Variants in GLIS3 observed in about 807,000 individuals in gnomAD.
The protein encoded by GLIS3 is zinc finger protein GLIS3.
Under a neutral mutation model 78.6 loss-of-function variants are expected in GLIS3, and 53 were observed. That is an observed-to-expected ratio of 0.67 (90% CI 0.54 to 0.85). The LOEUF (loss-of-function observed/expected upper bound fraction) is 0.85, where lower values mean the gene tolerates loss of function less well. Among genes scored for constraint, GLIS3 ranks in the 40% least tolerant of loss-of-function variants. GLIS3 has a pLI of 0.00. For missense variants in GLIS3, 1,703 were observed against 1,231.1 expected (o/e 1.38, Z -5.74); for synonymous variants, 684 against 509.9 (o/e 1.34, Z -4.60).
chr9:4,157,478 G>C (rs1418201504), intron 2 of GLIS3, among the ~76,000 whole-genome samples: 1 of 152,162 alleles, frequency 6.6e-6, no homozygotes, highest in Non-Finnish European at 1.5e-5. Flanking sequence ...TTGGGGTGGG[G>C]AGCAGAGAGG....
chr9:4,086,756 C>G (rs972057679), intron 4 of GLIS3, among the ~76,000 whole-genome samples: 42 of 152,326 alleles, frequency 2.8e-4, no homozygotes, highest in African/African-American at 9.1e-4. Context: ...ACAGGAGGGA[C>G]TTTCAGCATC....
chr9:4,178,474 G>A (rs1259530820), intron 2 of GLIS3, among the ~76,000 whole-genome samples: 1 of 152,178 alleles, frequency 6.6e-6, no homozygotes, highest in Non-Finnish European at 1.5e-5. Context: ...AGAAAAATCT[G>A]CAGCTAGGAG....
chr9:4,419,445 G>C, the GLIS3 span, among the ~76,000 whole-genome samples: 1 of 152,138 alleles, frequency 6.6e-6, no homozygotes, highest in African/African-American at 2.4e-5. Flanking sequence ...AAGGCGGAAG[G>C]CAAAGTGGGA....
At chr9:4,021,929 G>A (rs1412494660) in intron 4 of GLIS3, among the ~76,000 whole-genome samples, 5 of 152,188 alleles carry the variant, frequency 3.3e-5, no homozygotes, top group African/African-American at 4.8e-5. Context: ...CCAAAGAGTA[G>A]AAACCAGACA....
At chr9:4,201,902 G>A (rs1024447341) in intron 2 of GLIS3, among the ~76,000 whole-genome samples, 3 of 152,114 alleles carry the variant, frequency 2.0e-5, no homozygotes, top group African/African-American at 7.2e-5. Flanking sequence ...TTGAGAGGCC[G>A]AGGCAGGAAG....
intron 2 of GLIS3, among the ~76,000 whole-genome samples, chr9:4,330,542 G>T (rs1007161805): frequency 5.3e-5 from 8 of 152,174 alleles, no homozygotes; most frequent in African/African-American, 1.9e-4. Context: ...GATGAAGGGA[G>T]GTGGAGATGA....
At chr9:3,935,116 G>T (rs1825818950) in intron 5 of GLIS3, among the ~76,000 whole-genome samples, 1 of 152,104 alleles carries the variant, frequency 6.6e-6, no homozygotes, top group African/African-American at 2.4e-5. Context: ...AATTCTGACA[G>T]TATTATAGTA....
At chr9:4,179,909 C>A (rs80347914) in intron 2 of GLIS3, among the ~76,000 whole-genome samples, 45 of 144,584 alleles carry the variant, frequency 3.1e-4, no homozygotes, top group South Asian at 4.5e-4. Flanking sequence ...GACTCTGTCT[C>A]AAAAAAAAAA....
At chr9:4,354,574 C>A in the GLIS3 span, among the ~76,000 whole-genome samples, 19 of 152,164 alleles carry the variant, frequency 1.2e-4, no homozygotes, top group Non-Finnish European at 2.1e-4. Context: ...CCTCAGTGCA[C>A]GGGATTGTCC....
intron 2 of GLIS3, among the ~76,000 whole-genome samples, chr9:4,343,651 A>C (rs138094445): frequency 1.6e-4 from 24 of 152,370 alleles, no homozygotes; most frequent in African/African-American, 5.3e-4. Context: ...TAATAAAGAC[A>C]TGGAATCAAC....
At chr9:4,393,955 C>T in the GLIS3 span, among the ~76,000 whole-genome samples, 7 of 151,944 alleles carry the variant, frequency 4.6e-5, no homozygotes, top group Admixed American at 4.6e-4. Flanking sequence ...GAATTTATTA[C>T]CCTAATTACA....
chr9:4,089,729 G>A (rs1588645262), intron 4 of GLIS3, among the ~76,000 whole-genome samples: 3 of 152,052 alleles, frequency 2.0e-5, no homozygotes, highest in East Asian at 3.9e-4. Flanking sequence ...TGAGGTGGGA[G>A]GATCGCTTGA....
chr9:3,890,373 G>C (rs2130540884), intron 7 of GLIS3, among the ~76,000 whole-genome samples: 2 of 152,256 alleles, frequency 1.3e-5, no homozygotes, highest in Middle Eastern at 3.4e-3. Context: ...AACGCTTTAT[G>C]TCAGCACATC....
Position 3,991,683 on chromosome 9 carries a change from A to AATTTTTTTTTTTTTTTTT in GLIS3, c.1711-54495_1711-54494insAAAAAAAAAAAAAAAAAT, listed in dbSNP as rs1265317427. On this transcript the variant is annotated intron_variant, in intron 4 of 10. Transcript: ENST00000381971. ...GTTCAGAATTTCATTAAGTAGGCTGATTTTTTTTTTTTTTTTTTTTTTTTT... is the reference window on the plus strand; with the variant it reads ...GTTCAGAATTTCATTAAGTAGGCTGAATTTTTTTTTTTTTTTTTTTTTTTTTTTTTTTTTTTTTTTTTT... Among the ~76,000 whole-genome samples, 99 of 87,914 alleles carry AATTTTTTTTTTTTTTTTT rather than the reference A, an allele frequency of 1.1e-3. 16 individuals are homozygous for AATTTTTTTTTTTTTTTTT. The highest frequency in any genetic ancestry group is 4.5e-3 in the African/African-American group (85 of 18,988). 57.7% of individuals were successfully genotyped at this position (87,914 alleles called of 152,430 possible). A position where few individuals can be genotyped will look rare whatever the true frequency, so the allele number is the denominator to read the frequency against.
At chr9:4,241,932 C>T (rs905572031) in intron 2 of GLIS3, among the ~76,000 whole-genome samples, 2 of 152,192 alleles carry the variant, frequency 1.3e-5, no homozygotes, top group African/African-American at 4.8e-5. Context: ...GATCTGCTTG[C>T]CTTGGCCTCC....
At position 4,118,393 on chromosome 9, in the gene GLIS3, G is replaced by T. The variant is rs146131512; in HGVS notation, c.1085C>A (p.Pro362Gln). ...LGVRGSCIPQ[P>Q]RPVPGSQKGV... ...CTTCTGGCTGCCGGGCACCGGGCGC[G>T]GCTGGGGAATGCAGCTGCCGCGCAC... is the stretch of plus-strand genomic sequence containing the variant. Residue 362 changes from proline to glutamine, a missense_variant, in exon 4 of 11, where the codon CCG becomes CAG. Pro to Gln is a moderately conservative substitution (Grantham distance 76). Transcript: ENST00000381971. The surrounding 1 kb of genome is among the most constrained non-coding windows in gnomAD (Gnocchi z 4.7). The T allele has an allele frequency of 6.5e-4, 1,035 of 1,603,744 alleles. 12 individuals carry two copies. The African/African-American group carries it at 0.012, about 19-fold the overall frequency.
chr9:4,182,386 C>A (rs1437376104), intron 2 of GLIS3, among the ~76,000 whole-genome samples: 1 of 152,148 alleles, frequency 6.6e-6, no homozygotes, highest in African/African-American at 2.4e-5. Flanking sequence ...TTGAGAAATA[C>A]CTGATTTTCC....
At chr9:3,915,081 CAG>C (rs1824414285) in intron 6 of GLIS3, among the ~76,000 whole-genome samples, 1 of 152,162 alleles carries the variant, frequency 6.6e-6, no homozygotes, top group East Asian at 1.9e-4. Context: ...CCTTGGTCAT[CAG>C]AAAGGAGGCC....
chr9:4,386,642 G>A, the GLIS3 span: 2 of 152,166 alleles, frequency 1.3e-5, no homozygotes, highest in African/African-American at 4.8e-5. Context: ...TCCCGTTACA[G>A]AATTTTTGGG....
Sources: allele counts gnomAD v4.1 joint callset (sites outside exome capture counted in the v4.1 genomes callset), GRCh38; gene constraint gnomAD v4.1.1; non-coding constraint Gnocchi (gnomAD v3.1); transcripts MANE v1.5; gene names NCBI Gene and HGNC (gene_info 2026-07-23, HGNC 2026-07-21).